Variants in DLGAP2 observed in about 807,000 individuals in gnomAD.
DLGAP2 encodes DLG associated protein 2.
Under a neutral mutation model 100.3 loss-of-function variants are expected in DLGAP2, and 26 were observed. The observed-to-expected ratio is 0.26, with a 90% confidence interval of 0.19 to 0.36. The LOEUF (loss-of-function observed/expected upper bound fraction) is 0.36. Among genes scored for constraint, DLGAP2 ranks in the 10% least tolerant of loss-of-function variants. DLGAP2 has a pLI of 1.00. For synonymous variants in DLGAP2, 886 were observed against 630.1 expected, an observed-to-expected ratio of 1.41 and a Z score of -6.08; for missense variants, 1,858 against 1,453.2, an observed-to-expected ratio of 1.28 and a Z score of -4.53.
At chr8:1,627,057 T>G (rs1797524431) in intron 7 of DLGAP2, among the ~76,000 whole-genome samples, 170 bp downstream of exon 7, 1 of 152,266 alleles carries the variant, frequency 6.6e-6, no homozygotes, top group African/African-American at 2.4e-5. Context: ...ATTAGACTCG[T>G]GGACTTACTG....
chr8:1,485,051 C>T (rs1198556758), intron 3 of DLGAP2, among the ~76,000 whole-genome samples: 1 of 152,358 alleles, frequency 6.6e-6, no homozygotes, highest in East Asian at 1.9e-4. Flanking sequence ...GGCATTGCCA[C>T]GGCCTCTCTT....
intron 3 of DLGAP2, among the ~76,000 whole-genome samples, chr8:1,425,957 C>G (rs545085591): frequency 6.6e-6 from 1 of 152,308 alleles, no homozygotes; most frequent in South Asian, 2.1e-4. Context: ...CTTATGGAAA[C>G]CAGGTGGCTG....
At chr8:1,076,795 A>G (rs1803626678) in intron 2 of DLGAP2, among the ~76,000 whole-genome samples, 1 of 151,408 alleles carries the variant, frequency 6.6e-6, no homozygotes, top group Non-Finnish European at 1.5e-5. Flanking sequence ...CAAGACCAAG[A>G]AGGTGGAGGA....
intron 2 of DLGAP2, among the ~76,000 whole-genome samples, chr8:1,096,423 A>C (rs1305554011): frequency 6.6e-6 from 1 of 152,234 alleles, no homozygotes; most frequent in Non-Finnish European, 1.5e-5. Flanking sequence ...AAGCAGCAGC[A>C]CTCAACCTCT....
At chr8:1,588,537 A>T (rs117204534) in intron 6 of DLGAP2, among the ~76,000 whole-genome samples, 1 of 152,280 alleles carries the variant, frequency 6.6e-6, no homozygotes, top group African/African-American at 2.4e-5. Flanking sequence ...GTAAGTAAAT[A>T]TGTATTAAGG....
chr8:1,318,527 T>G (rs1250754567), intron 3 of DLGAP2, among the ~76,000 whole-genome samples: 1 of 151,184 alleles, frequency 6.6e-6, no homozygotes, highest in Non-Finnish European at 1.5e-5. Context: ...CTTTGAAGTT[T>G]AGGCCTCCAC....
intron 3 of DLGAP2, among the ~76,000 whole-genome samples, chr8:1,326,873 A>G (rs958525589): frequency 6.6e-6 from 1 of 152,194 alleles, no homozygotes; most frequent in Admixed American, 6.5e-5. Flanking sequence ...TGTTGTGGAA[A>G]CATGTAAACA....
intron 3 of DLGAP2, among the ~76,000 whole-genome samples, chr8:1,341,183 C>T (rs1801408398): frequency 6.6e-6 from 1 of 152,118 alleles, no homozygotes; most frequent in African/African-American, 2.4e-5. Flanking sequence ...ATCCCCATGA[C>T]ACAAGTTTAC....
intron 4 of DLGAP2, among the ~76,000 whole-genome samples, chr8:1,524,900 C>G (rs1202242703): frequency 6.6e-6 from 1 of 152,104 alleles, no homozygotes; most frequent in African/African-American, 2.4e-5. Flanking sequence ...GCTAACCCTC[C>G]TGCACACCCT....
chr8:799,719 C>G (rs913917766), intron 1 of DLGAP2, among the ~76,000 whole-genome samples: 41 of 152,164 alleles, frequency 2.7e-4, no homozygotes, highest in African/African-American at 9.9e-4. Context: ...ACATCCGTCT[C>G]TTGAGTAGCT....
chr8:1,217,109 C>T (rs1012512656), intron 2 of DLGAP2, among the ~76,000 whole-genome samples: 1 of 152,100 alleles, frequency 6.6e-6, no homozygotes, highest in Non-Finnish European at 1.5e-5. Flanking sequence ...CTCCCTCCTG[C>T]CACCCTTCAC....
chr8:1,258,632 T>G (rs954715756), intron 2 of DLGAP2, among the ~76,000 whole-genome samples: 4 of 152,126 alleles, frequency 2.6e-5, no homozygotes, highest in Non-Finnish European at 5.9e-5. Context: ...AAAGTAAAAA[T>G]GTCATCTGTA....
chr8:1,110,062 G>A (rs1221434416), intron 2 of DLGAP2, among the ~76,000 whole-genome samples: 2 of 139,570 alleles, frequency 1.4e-5, no homozygotes, highest in African/African-American at 5.5e-5. Context: ...GGTCTGTGAT[G>A]TGTGCACAGG....
Position 1,458,848 on chromosome 8 carries a change from G to C in DLGAP2, c.107-42518G>C, listed in dbSNP as rs1476373572. ...ACAGGGTGTCCCAGGACAGAGAGCA[G>C]GGTCGGGCGTCCCCATGATATGGGG... is the stretch of plus-strand genomic sequence containing the variant. On this transcript the variant is annotated intron_variant, in intron 3 of 14. Coordinates refer to ENST00000637795, the MANE Select transcript of DLGAP2 (RefSeq NM_001346810.2). Among the ~76,000 whole-genome samples, 3 of 152,224 alleles carry C rather than the reference G, an allele frequency of 2.0e-5. No homozygotes were observed. In the South Asian group the frequency reaches 6.2e-4, roughly 32 times the overall value.
At chr8:796,720 G>A (rs1451496793) in intron 1 of DLGAP2, among the ~76,000 whole-genome samples, 1 of 152,188 alleles carries the variant, frequency 6.6e-6, no homozygotes, top group Non-Finnish European at 1.5e-5. Context: ...GTGTGTAGTT[G>A]TGACTTTGTG....
intron 2 of DLGAP2, among the ~76,000 whole-genome samples, chr8:972,161 C>T (rs1287879648): frequency 6.6e-6 from 1 of 152,196 alleles, no homozygotes; most frequent in African/African-American, 2.4e-5. Flanking sequence ...TAAACACAGC[C>T]TGACTCCTAG....
chr8:1,685,974 G>A lies in DLGAP2; in HGVS notation c.2705-5561G>A, dbSNP rs530173366. Among the ~76,000 whole-genome samples, 4 of 152,284 alleles carry A rather than the reference G, an allele frequency of 2.6e-5. No homozygotes were observed. In the South Asian group the frequency reaches 8.3e-4, roughly 32 times the overall value. ...GTAAGGGGAAAGCTTGCACACTGCT[G>A]GTTGGAATATGAAGTAGCCACTATG... On this transcript the variant is annotated intron_variant, in intron 12 of 14. Transcript: ENST00000637795.
At chr8:1,226,515 C>G (rs1477650972) in intron 2 of DLGAP2, among the ~76,000 whole-genome samples, 1 of 152,094 alleles carries the variant, frequency 6.6e-6, no homozygotes, top group Non-Finnish European at 1.5e-5. Context: ...ATAGCTAATG[C>G]ATGTGGGGCT....
At chr8:1,303,395 TCAAAAA>T (rs1212157018) in intron 3 of DLGAP2, among the ~76,000 whole-genome samples, 1 of 89,464 alleles carries the variant, frequency 1.1e-5, no homozygotes, top group Non-Finnish European at 2.1e-5. Context: ...AGACTCCGTC[TCAAAAA>T]CAAAAAAAAA....
Sources: gnomAD v4.1 joint callset for allele counts (sites outside exome capture counted in the v4.1 genomes callset) on GRCh38, gnomAD v4.1.1 for gene constraint, MANE v1.5 for transcripts, NCBI Gene and HGNC (gene_info 2026-07-23, HGNC 2026-07-21) for gene names.